The following C8orf34 variants were observed in gnomAD, a reference collection of about 807,000 sequenced individuals.
C8orf34 encodes the protein chromosome 8 open reading frame 34.
Under a neutral mutation model 68.3 loss-of-function variants are expected in C8orf34, and 65 were observed. That is an observed-to-expected ratio of 0.95 (90% CI 0.78 to 1.17). The LOEUF is 1.17. C8orf34 is among the 50% of genes most tolerant of loss of function. The pLI is 0.00. For missense variants in C8orf34, 664 were observed against 655.4 expected (o/e 1.01, Z -0.14); for synonymous variants, 244 against 241.2 (o/e 1.01, Z -0.11).
chr8:68,725,543 A>G (rs1275926543), intron 10 of C8orf34, among the ~76,000 whole-genome samples: 2 of 152,354 alleles, frequency 1.3e-5, no homozygotes, highest in East Asian at 3.9e-4. Context: ...ATATTTGTAC[A>G]GCACTTTTTA....
chr8:68,725,568 C>T (rs1449796475), intron 10 of C8orf34, among the ~76,000 whole-genome samples: 1 of 152,180 alleles, frequency 6.6e-6, no homozygotes, highest in Non-Finnish European at 1.5e-5. Flanking sequence ...TTAAGTGCTT[C>T]ACATATTTTA....
intron 7 of C8orf34, among the ~76,000 whole-genome samples, chr8:68,561,359 A>C (rs1476900035): frequency 7.0e-6 from 1 of 142,334 alleles, no homozygotes; most frequent in Admixed American, 6.8e-5. Context: ...TTATACAGCT[A>C]TACAAAAAAA....
chr8:68,509,040 G>C (rs1386929837), intron 5 of C8orf34, among the ~76,000 whole-genome samples: 1 of 152,116 alleles, frequency 6.6e-6, no homozygotes, highest in Non-Finnish European at 1.5e-5. Context: ...AGGTCAGTTG[G>C]AGTTTTTCTG....
At chr8:68,560,432 G>A (rs1158983372) in intron 7 of C8orf34, among the ~76,000 whole-genome samples, 1 of 152,158 alleles carries the variant, frequency 6.6e-6, no homozygotes, top group Non-Finnish European at 1.5e-5. Flanking sequence ...AGTGACAACA[G>A]ATTTACCTTC....
At chr8:68,484,344 T>C (rs1812985957) in intron 4 of C8orf34, among the ~76,000 whole-genome samples, 1 of 152,132 alleles carries the variant, frequency 6.6e-6, no homozygotes, top group Non-Finnish European at 1.5e-5. Flanking sequence ...GGATTACAAT[T>C]CAACATGAGA....
intron 8 of C8orf34, among the ~76,000 whole-genome samples, chr8:68,685,796 A>G (rs1820497968): frequency 6.6e-6 from 1 of 151,850 alleles, no homozygotes; most frequent in Non-Finnish European, 1.5e-5. Flanking sequence ...GGATAAACTG[A>G]GCCTGGGGAG....
At chr8:68,754,764 C>T (rs1303952574) in intron 10 of C8orf34, among the ~76,000 whole-genome samples, 1 of 152,156 alleles carries the variant, frequency 6.6e-6, no homozygotes, top group East Asian at 1.9e-4. Flanking sequence ...TATTACCAGT[C>T]ACGGAAAAAG....
intron 7 of C8orf34, among the ~76,000 whole-genome samples, chr8:68,564,992 G>A (rs1016934483): frequency 2.0e-5 from 3 of 152,124 alleles, no homozygotes; most frequent in Non-Finnish European, 4.4e-5. Flanking sequence ...CCATTTCCAG[G>A]CATCAGAATT....
At chr8:68,708,817 G>T in intron 8 of C8orf34, among the ~76,000 whole-genome samples, 177 bp from the exon 9 acceptor site, 1 of 152,150 alleles carries the variant, frequency 6.6e-6, no homozygotes, top group Non-Finnish European at 1.5e-5. Context: ...TTCCTTAATG[G>T]TTAGAACAGC....
chr8:68,811,098 G>A (rs538645394), intron 12 of C8orf34, among the ~76,000 whole-genome samples: 128 of 152,292 alleles, frequency 8.4e-4, no homozygotes, highest in African/African-American at 2.9e-3. Context: ...GCCATAGGGC[G>A]CCTGTAGGCC....
rs577747819 is a variant in C8orf34, at chr8:68,670,065, C to T, written c.1241+29554C>T. Among the ~76,000 whole-genome samples, 6 of 152,324 alleles carry T rather than the reference C, an allele frequency of 3.9e-5. No homozygotes were observed. In the South Asian group the frequency reaches 8.3e-4, roughly 21 times the overall value. On this transcript the variant is annotated intron_variant, in intron 8 of 13. Transcript: ENST00000518698. Reference sequence around the variant, plus strand: ...ACAGCATGCTGCTAGCCTCCCTGGTCAGCAGCTCTGCATTCTGCCTTTTCA... The same window carrying T: ...ACAGCATGCTGCTAGCCTCCCTGGTTAGCAGCTCTGCATTCTGCCTTTTCA...
At chr8:68,402,461 C>T (rs967899906) in intron 1 of C8orf34, among the ~76,000 whole-genome samples, 10 of 151,978 alleles carry the variant, frequency 6.6e-5, no homozygotes, top group African/African-American at 2.4e-4. Context: ...TGGGTTTGAT[C>T]TGTTGTTTTT....
chr8:68,533,673 A>T (rs1166515720), intron 7 of C8orf34: 8 of 967,050 alleles, frequency 8.3e-6, no homozygotes, highest in Non-Finnish European at 9.8e-6. Context: ...CAGGCCTGTT[A>T]CTTTCATGAA....
intron 7 of C8orf34, chr8:68,625,800 A>C: frequency 2.0e-6 from 1 of 497,580 alleles, no homozygotes; most frequent in Non-Finnish European, 3.6e-6. Context: ...ATTCTTTTTT[A>C]ATTTATTCCA....
chr8:68,568,701 T>C (rs1816675574), intron 7 of C8orf34, among the ~76,000 whole-genome samples: 1 of 152,224 alleles, frequency 6.6e-6, no homozygotes, highest in African/African-American at 2.4e-5. Flanking sequence ...TAACCCTTTG[T>C]TGAAACATAT....
chr8:68,442,455 T>C (rs1427949900), intron 2 of C8orf34, among the ~76,000 whole-genome samples: 1 of 152,104 alleles, frequency 6.6e-6, no homozygotes, highest in African/African-American at 2.4e-5. Context: ...GTGGTTGTGT[T>C]ACTACCTCAA....
At chr8:68,591,711 A>G (rs961520743) in intron 7 of C8orf34, among the ~76,000 whole-genome samples, 2 of 152,220 alleles carry the variant, frequency 1.3e-5, no homozygotes, top group Admixed American at 1.3e-4. Context: ...GACAGGCACA[A>G]CTTTAACTGC....
chr8:68,498,521 C>T (rs1240761916), intron 5 of C8orf34, among the ~76,000 whole-genome samples: 1 of 152,124 alleles, frequency 6.6e-6, no homozygotes, highest in East Asian at 1.9e-4. Flanking sequence ...ACAGGGAGAA[C>T]AGCACCACAG....
intron 10 of C8orf34, among the ~76,000 whole-genome samples, chr8:68,767,873 A>T (rs756508788): frequency 4.6e-5 from 7 of 152,080 alleles, no homozygotes; most frequent in Non-Finnish European, 1.0e-4. Context: ...CTAAATACTG[A>T]TATCTATTTA....
Sources: gnomAD v4.1 joint callset for allele counts (sites outside exome capture counted in the v4.1 genomes callset) on GRCh38, gnomAD v4.1.1 for gene constraint, MANE v1.5 for transcripts, NCBI Gene and HGNC (gene_info 2026-07-23, HGNC 2026-07-21) for gene names.